KIAA1328: variants seen among roughly 807,000 people sequenced by gnomAD.
KIAA1328 encodes KIAA1328.
A neutral mutation model predicts 68.1 loss-of-function variants in KIAA1328; 52 were observed. That is an observed-to-expected ratio of 0.76 (90% CI 0.61 to 0.96). The LOEUF (loss-of-function observed/expected upper bound fraction) is 0.96, where lower values mean the gene tolerates loss of function less well. Ranked by LOEUF, KIAA1328 falls within the 40% of genes least tolerant of loss-of-function variation. The pLI, the probability that KIAA1328 is intolerant of heterozygous loss-of-function variation, is 0.00. For missense variants in KIAA1328, 641 were observed against 677.6 expected, an observed-to-expected ratio of 0.95 and a Z score of 0.60; for synonymous variants, 232 against 239.4, an observed-to-expected ratio of 0.97 and a Z score of 0.28.
intron 7 of KIAA1328, among the ~76,000 whole-genome samples, chr18:37,130,221 T>A (rs528301679): frequency 7.9e-5 from 12 of 152,286 alleles, no homozygotes; most frequent in Non-Finnish European, 1.3e-4. Context: ...AAATTGAGCA[T>A]AGGGCAGGAA....
chr18:37,084,186 C>A, intron 7 of KIAA1328: 1 of 1,526,648 alleles, frequency 6.6e-7, no homozygotes, highest in Non-Finnish European at 8.8e-7. Flanking sequence ...GCTTACTAAA[C>A]CCCAAGAACT....
chr18:37,019,322 G>A (rs1307345067), intron 6 of KIAA1328, among the ~76,000 whole-genome samples: 1 of 152,162 alleles, frequency 6.6e-6, no homozygotes, highest in Non-Finnish European at 1.5e-5. Flanking sequence ...GTCAGAGCTT[G>A]CTGCAGCCAA....
At chr18:37,202,746 CATATTT>C (rs2060138104) in intron 9 of KIAA1328, among the ~76,000 whole-genome samples, 1 of 152,058 alleles carries the variant, frequency 6.6e-6, no homozygotes, top group African/African-American at 2.4e-5. Flanking sequence ...ATATTAATAA[CATATTT>C]ATATAAATAT....
intron 5 of KIAA1328, among the ~76,000 whole-genome samples, chr18:36,952,448 C>G (rs767688997): frequency 4.5e-4 from 69 of 151,996 alleles, no homozygotes; most frequent in Non-Finnish European, 8.4e-4. Context: ...ACTTTGTGCC[C>G]TGCACTATGC....
chr18:37,229,463 A>G, downstream of KIAA1328: 1 of 857,300 alleles, frequency 1.2e-6, no homozygotes. Context: ...AATGAAGTTT[A>G]GCAAAACTTG....
At chr18:37,106,055 A>G (rs1318322291) in intron 7 of KIAA1328, among the ~76,000 whole-genome samples, 2 of 151,984 alleles carry the variant, frequency 1.3e-5, no homozygotes, top group Non-Finnish European at 2.9e-5. Context: ...CATCCACACA[A>G]AAATGTCTAT....
chr18:37,107,352 C>T (rs568767223), intron 7 of KIAA1328, among the ~76,000 whole-genome samples: 27 of 152,294 alleles, frequency 1.8e-4, no homozygotes, highest in African/African-American at 6.3e-4. Flanking sequence ...TCTAAATCCT[C>T]TTTATGAGAC....
chr18:36,957,585 T>G (rs1376774878), intron 5 of KIAA1328, among the ~76,000 whole-genome samples: 1 of 152,158 alleles, frequency 6.6e-6, no homozygotes, highest in Non-Finnish European at 1.5e-5. Context: ...AATTATAAAA[T>G]TATAAAACAA....
chr18:36,927,762 A>G (rs1014032522), intron 5 of KIAA1328, among the ~76,000 whole-genome samples: 1 of 151,946 alleles, frequency 6.6e-6, no homozygotes, highest in Non-Finnish European at 1.5e-5. Flanking sequence ...TGTCTCAAAT[A>G]AAGAAAGAAA....
intron 7 of KIAA1328, among the ~76,000 whole-genome samples, chr18:37,134,019 CTT>C (rs951006307): frequency 1.4e-5 from 2 of 142,414 alleles, no homozygotes; most frequent in Admixed American, 7.1e-5. Context: ...CCTTTACATT[CTT>C]TTTTTTTTTT....
rs571791064 is a variant in KIAA1328 at position 36,922,100 on chromosome 18, G to A, written c.448+36428G>A. ...AACAAAGACAACCTATATGTAGCTA[G>A]TCAAGTCATGGCACTCCCTTTTAAT... On this transcript the variant is annotated intron_variant, in intron 5 of 9. Transcript: ENST00000280020. Among the ~76,000 whole-genome samples, 3 of 151,886 alleles carry A rather than the reference G, an allele frequency of 2.0e-5. No homozygotes were observed. The South Asian group carries it at 6.3e-4, about 32-fold the overall frequency.
At chr18:37,062,326 T>C (rs897310037) in intron 6 of KIAA1328, among the ~76,000 whole-genome samples, 3 of 152,176 alleles carry the variant, frequency 2.0e-5, no homozygotes, top group Non-Finnish European at 1.5e-5. Context: ...TTGAAAGAAA[T>C]ATGAGTGGGT....
chr18:36,921,943 T>C (rs560886455), intron 5 of KIAA1328, among the ~76,000 whole-genome samples: 1 of 152,266 alleles, frequency 6.6e-6, no homozygotes, highest in East Asian at 1.9e-4. Context: ...ATTTTTTTTT[T>C]TGAGACAGAG....
At chr18:36,930,611 C>T (rs1160636458) in intron 5 of KIAA1328, among the ~76,000 whole-genome samples, 4 of 152,014 alleles carry the variant, frequency 2.6e-5, no homozygotes, top group Admixed American at 2.0e-4. Context: ...GGAGTATATT[C>T]TTTAATGGGC....
At chr18:37,198,944 G>T (rs1485953341) in intron 9 of KIAA1328, among the ~76,000 whole-genome samples, 1 of 152,144 alleles carries the variant, frequency 6.6e-6, no homozygotes, top group Admixed American at 6.5e-5. Flanking sequence ...ACCTGATTTT[G>T]TTTGCTTGTT....
chr18:36,873,961 G>T (rs1446954486), intron 4 of KIAA1328, among the ~76,000 whole-genome samples: 6 of 152,166 alleles, frequency 3.9e-5, no homozygotes, highest in Non-Finnish European at 8.8e-5. Context: ...TCCTGTGTTA[G>T]TTTGCTGAGA....
At chr18:36,878,478 G>T (rs1445298017) in intron 4 of KIAA1328, among the ~76,000 whole-genome samples, 1 of 152,014 alleles carries the variant, frequency 6.6e-6, no homozygotes, top group African/African-American at 2.4e-5. Context: ...GATGAATCTG[G>T]TGATTATGTG....
chr18:37,077,652 A>G (rs1353569732), intron 7 of KIAA1328, among the ~76,000 whole-genome samples: 3 of 150,204 alleles, frequency 2.0e-5, no homozygotes, highest in Non-Finnish European at 4.4e-5. Context: ...TACAAAATCA[A>G]TGTGCAAAAA....
chr18:36,830,188 A>T (rs563517990), intron 1 of KIAA1328, among the ~76,000 whole-genome samples: 34 of 151,826 alleles, frequency 2.2e-4, no homozygotes, highest in Non-Finnish European at 4.3e-4. Flanking sequence ...TGTGTTATCA[A>T]CTCCTTTGTT....
Sources: gnomAD v4.1 joint callset for allele counts (sites outside exome capture counted in the v4.1 genomes callset) on GRCh38, gnomAD v4.1.1 for gene constraint, MANE v1.5 for transcripts, NCBI Gene and HGNC (gene_info 2026-07-23, HGNC 2026-07-21) for gene names.